Variants in NRXN3 observed in about 807,000 individuals in gnomAD.
NRXN3 encodes the protein neurexin III.
A neutral mutation model predicts 137.6 loss-of-function variants in NRXN3; 32 were observed. The observed-to-expected ratio is 0.23, with a 90% confidence interval of 0.18 to 0.31. The LOEUF (loss-of-function observed/expected upper bound fraction) is 0.31. Ranked by LOEUF, NRXN3 falls within the 10% of genes least tolerant of loss-of-function variation. NRXN3 has a pLI of 1.00. For synonymous variants in NRXN3, 798 were observed against 784.5 expected (o/e 1.02, Z -0.29); for missense variants, 1,574 against 2,062.5 (o/e 0.76, Z 4.59).
intron 16 of NRXN3, among the ~76,000 whole-genome samples, chr14:79,585,704 A>C (rs895207203): frequency 1.3e-5 from 2 of 151,270 alleles, no homozygotes; most frequent in Admixed American, 6.6e-5. Context: ...CAAAAAAAAA[A>C]AAAACCAACT....
chr14:78,737,212 T>C (rs1001356436), intron 8 of NRXN3, among the ~76,000 whole-genome samples: 1 of 152,116 alleles, frequency 6.6e-6, no homozygotes, highest in African/African-American at 2.4e-5. Context: ...TACAAACAAA[T>C]AGGAATGGTC....
intron 1 of NRXN3, among the ~76,000 whole-genome samples, chr14:78,194,249 T>C (rs138005288): frequency 1.3e-5 from 2 of 152,346 alleles, no homozygotes; most frequent in Non-Finnish European, 2.9e-5. Context: ...AGTACAGGAC[T>C]GCAACATTTT....
intron 10 of NRXN3, among the ~76,000 whole-genome samples, chr14:78,881,025 A>T (rs912259429): frequency 6.6e-6 from 1 of 151,732 alleles, no homozygotes; most frequent in Non-Finnish European, 1.5e-5. Flanking sequence ...TTCTCACAAG[A>T]TTTGATGGTT....
At position 79,640,621 on chromosome 14, in the gene NRXN3, C is replaced by T. The variant is rs1422693472; in HGVS notation, c.3445-23157C>T. On this transcript the variant is annotated intron_variant, in intron 16 of 20. Coordinates refer to ENST00000335750, the MANE Select transcript of NRXN3 (RefSeq NM_001330195.2). ...CTCAAAGTATGTCCATGCCATTTAG[C>T]TCCTATAAAGAAAACAAGTTTTTAG... Among the ~76,000 whole-genome samples the T allele has an allele frequency of 3.0e-5, 4 of 135,532 alleles. 1 individual carries two copies. Among genetic ancestry groups the T allele is most frequent in the Non-Finnish European group, 6.9e-5 (4 of 58,290 alleles). The allele number at this position is 135,532 out of a possible 152,430, so 88.9% of individuals were successfully genotyped here.
At chr14:79,295,213 C>T (rs1799705538) in intron 15 of NRXN3, among the ~76,000 whole-genome samples, 1 of 151,936 alleles carries the variant, frequency 6.6e-6, no homozygotes, top group South Asian at 2.1e-4. Flanking sequence ...TTGCTACTAC[C>T]ATAGTGCCTT....
intron 19 of NRXN3, among the ~76,000 whole-genome samples, chr14:79,768,014 C>G (rs528256444): frequency 5.9e-4 from 90 of 152,314 alleles, no homozygotes; most frequent in African/African-American, 2.0e-3. Flanking sequence ...TGGTGACAGA[C>G]GGCACCTGGA....
chr14:78,527,262 A>T (rs547859370), intron 4 of NRXN3, among the ~76,000 whole-genome samples: 2 of 152,206 alleles, frequency 1.3e-5, no homozygotes, highest in Non-Finnish European at 2.9e-5. Context: ...GCACAGCAGC[A>T]TCTTCTCTGC....
intron 15 of NRXN3, among the ~76,000 whole-genome samples, chr14:79,318,461 G>A (rs1437519881): frequency 1.3e-5 from 2 of 152,170 alleles, no homozygotes; most frequent in Non-Finnish European, 2.9e-5. Context: ...TTTATCTGTG[G>A]TGAGGAATGT....
At position 79,588,310 on chromosome 14, in the gene NRXN3, T is replaced by C. The variant is rs569979366; in HGVS notation, c.3445-75468T>C. On this transcript the variant is annotated intron_variant, in intron 16 of 20. Coordinates refer to ENST00000335750, the MANE Select transcript of NRXN3 (RefSeq NM_001330195.2). Reference sequence around the variant, plus strand: ...TATGGTCATATAAATGACTATAATGTGGGTGTTTTAGAATTGCACTTTTGT... The same window carrying C: ...TATGGTCATATAAATGACTATAATGCGGGTGTTTTAGAATTGCACTTTTGT... 2.0e-5 allele frequency among the ~76,000 whole-genome samples: 3 copies of C among 152,322 alleles called. No homozygotes were observed. The South Asian group carries it at 6.2e-4, about 32-fold the overall frequency.
At chr14:78,241,344 A>C (rs2067056495) in intron 1 of NRXN3, among the ~76,000 whole-genome samples, 2 of 152,158 alleles carry the variant, frequency 1.3e-5, no homozygotes, top group African/African-American at 2.4e-5. Flanking sequence ...ATAAAGCCTC[A>C]TGTGGCCAGC....
chr14:79,617,408 C>CT (rs1567677246), intron 16 of NRXN3, among the ~76,000 whole-genome samples: 1 of 151,378 alleles, frequency 6.6e-6, no homozygotes, highest in Non-Finnish European at 1.5e-5. Context: ...ATCTCACCAT[C>CT]TTTTTAGAAG....
At chr14:79,429,274 C>A (rs1007761097) in intron 15 of NRXN3, among the ~76,000 whole-genome samples, 4 of 152,126 alleles carry the variant, frequency 2.6e-5, no homozygotes, top group African/African-American at 4.8e-5. Context: ...ATAGATAAGG[C>A]GACCCACTTT....
At chr14:78,367,236 A>G (rs761938569) in intron 4 of NRXN3, among the ~76,000 whole-genome samples, 1 of 152,206 alleles carries the variant, frequency 6.6e-6, no homozygotes, top group East Asian at 1.9e-4. Context: ...ACAGAGGTAT[A>G]GTTTTCTGGC....
chr14:78,646,452 A>G (rs1485440669), intron 5 of NRXN3, among the ~76,000 whole-genome samples: 2 of 152,192 alleles, frequency 1.3e-5, no homozygotes, highest in African/African-American at 2.4e-5. Context: ...TGAAGTGCTT[A>G]TCAAAAAGTG....
intron 8 of NRXN3, among the ~76,000 whole-genome samples, chr14:78,793,195 C>A (rs1241115967): frequency 1.3e-5 from 2 of 151,888 alleles, no homozygotes; most frequent in Non-Finnish European, 2.9e-5. Context: ...CCTGGGTAAA[C>A]TAACTTATTT....
chr14:79,274,101 C>CAA (rs569693397), intron 15 of NRXN3, among the ~76,000 whole-genome samples: 894 of 74,220 alleles, frequency 0.012, 19 homozygotes, highest in African/African-American at 0.039. Flanking sequence ...GACTCCGTCT[C>CAA]AAAAAAAAAA....
intron 15 of NRXN3, among the ~76,000 whole-genome samples, chr14:79,413,369 T>C (rs915646688): frequency 2.6e-5 from 4 of 152,174 alleles, no homozygotes; most frequent in Non-Finnish European, 5.9e-5. Context: ...CTGTGCTGTT[T>C]GGTTGTATTC....
At chr14:78,543,774 T>C (rs35797273) in intron 4 of NRXN3, among the ~76,000 whole-genome samples, 34,128 of 152,068 alleles carry the variant, frequency 0.22, 4,186 homozygotes, top group Middle Eastern at 0.32. Context: ...GAATTATTTC[T>C]CATTTCGTTA....
intron 15 of NRXN3, among the ~76,000 whole-genome samples, chr14:79,438,327 A>C (rs1261550070): frequency 6.6e-6 from 1 of 152,224 alleles, no homozygotes. Context: ...TGTTAATAAA[A>C]GTTCGGTTTG....
Sources: gnomAD v4.1 joint callset for allele counts (sites outside exome capture counted in the v4.1 genomes callset) on GRCh38, gnomAD v4.1.1 for gene constraint, MANE v1.5 for transcripts, NCBI Gene and HGNC (gene_info 2026-07-23, HGNC 2026-07-21) for gene names.